Variants in TRIM35 observed in about 807,000 individuals in gnomAD.
TRIM35 encodes the protein E3 ubiquitin-protein ligase TRIM35.
In TRIM35, 37 loss-of-function variants were observed where a neutral mutation model predicts 49.1. The observed-to-expected ratio is 0.75, with a 90% confidence interval of 0.58 to 0.99. The LOEUF (loss-of-function observed/expected upper bound fraction) is 0.99. Ranked by LOEUF, TRIM35 falls within the 50% of genes least tolerant of loss-of-function variation. The probability of loss-of-function intolerance (pLI) is 0.00; values close to 1 mark genes in which losing one functional copy is unlikely to be tolerated. For missense variants in TRIM35, 648 were observed against 702.7 expected (o/e 0.92, Z 0.88); for synonymous variants, 302 against 289.3 (o/e 1.04, Z -0.45).
At chr8:27,301,440 A>G (rs1489952720) in intron 1 of TRIM35, among the ~76,000 whole-genome samples, 1 of 152,228 alleles carries the variant, frequency 6.6e-6, no homozygotes, top group African/African-American at 2.4e-5. Flanking sequence ...TTTCCAAAGC[A>G]GTGGTACCAA....
intron 1 of TRIM35, among the ~76,000 whole-genome samples, chr8:27,301,597 C>T (rs1332658257): frequency 1.3e-5 from 2 of 152,210 alleles, no homozygotes; most frequent in Non-Finnish European, 2.9e-5. Context: ...TATATATACA[C>T]AATGTATGTC....
At position 27,285,679 on chromosome 8, in the gene TRIM35, A is replaced by C. The variant is rs925784113; in HGVS notation, c.*1871T>G. ...AAGTTATCCTGTTAAAAAAAAAAAA[A>C]AAAAAAAAACTCTTCCCATATCTAA... is the stretch of plus-strand genomic sequence containing the variant. On this transcript the variant is annotated 3_prime_UTR_variant, in exon 6 of 6. Coordinates refer to ENST00000305364, the MANE Select transcript of TRIM35 (RefSeq NM_171982.5). The C allele has an allele frequency of 6.6e-6, 1 of 151,934 alleles. No individual in the cohort carries two copies. Among genetic ancestry groups the C allele is most frequent in the Non-Finnish European group, 1.5e-5 (1 of 68,042 alleles). The allele number at this position is 151,934 out of a possible 1,614,324, so 9.4% of individuals were successfully genotyped here. A position where few individuals can be genotyped will look rare whatever the true frequency, so the allele number is the denominator to read the frequency against.
At chr8:27,296,310 G>C (rs1340690453) in intron 2 of TRIM35, among the ~76,000 whole-genome samples, 1 of 152,082 alleles carries the variant, frequency 6.6e-6, no homozygotes, top group Non-Finnish European at 1.5e-5. Flanking sequence ...TTATCCTGAT[G>C]CTCTCCCTCT....
At chr8:27,299,407 T>G (rs867253776) in intron 1 of TRIM35, among the ~76,000 whole-genome samples, 1 of 152,252 alleles carries the variant, frequency 6.6e-6, no homozygotes, top group African/African-American at 2.4e-5. Context: ...GTACTTACTC[T>G]GTGCCAGGGA....
At position 27,289,231 on chromosome 8, in the gene TRIM35, C is replaced by A; in HGVS notation, c.835G>T (p.Asp279Tyr). Residue 279 changes from aspartate to tyrosine, a missense_variant, in exon 5 of 6, where the codon GAT becomes TAT. By Grantham distance (160) the Asp-to-Tyr change is radical. Coordinates refer to ENST00000305364, the MANE Select transcript of TRIM35 (RefSeq NM_171982.5). Reference protein sequence around the residue: ...PEPVQPGMLIDVCKYLGSLQY... With the variant: ...PEPVQPGMLIYVCKYLGSLQY... ...AGGGAGCCCAGGTACTTGCAGACAT[C>A]GATAAGCATGCCGGGCTGGACTGGC... 1 of 1,614,150 alleles carries A rather than the reference C, an allele frequency of 6.2e-7. No individual in the cohort carries two copies. Among genetic ancestry groups the A allele is most frequent in the Non-Finnish European group, 8.5e-7 (1 of 1,180,006 alleles).
intron 1 of TRIM35, among the ~76,000 whole-genome samples, chr8:27,309,111 T>C (rs181520716): frequency 6.6e-6 from 1 of 152,348 alleles, no homozygotes; most frequent in East Asian, 1.9e-4. Context: ...AGGCATCTGC[T>C]GGTGCATGGC....
At chr8:27,300,825 T>G (rs888301136) in intron 1 of TRIM35, among the ~76,000 whole-genome samples, 1 of 152,234 alleles carries the variant, frequency 6.6e-6, no homozygotes, top group African/African-American at 2.4e-5. Context: ...AATGAGATTT[T>G]TGATACAAAA....
chr8:27,300,713 T>C (rs1328734549), intron 1 of TRIM35, among the ~76,000 whole-genome samples: 1 of 152,256 alleles, frequency 6.6e-6, no homozygotes, highest in African/African-American at 2.4e-5. Flanking sequence ...AGTGACAATA[T>C]TTAAGATTTT....
chr8:27,287,615 C>T lies in TRIM35; in HGVS notation c.1417G>A (p.Gly473Arg), dbSNP rs139952743. The change falls in exon 6 of 6, where the codon GGG becomes AGG. Residue 473 changes from glycine (G) to arginine (R), a missense_variant. Gly to Arg is a moderately radical substitution (Grantham distance 125). Transcript: ENST00000305364. This position sits in a 1 kb window ranked among gnomAD's most constrained non-coding sequence, Gnocchi z 6.0. ...YFYLGGARGAGPPEPLRICPL... is the reference protein window; with the variant it reads ...YFYLGGARGARPPEPLRICPL... The stretch of plus-strand genomic sequence containing the variant: ...CAGATGCGCAAAGGCTCTGGAGGCC[C>T]GGCGCCCCGTGCACCCCCCAGGTAG... The T allele has an allele frequency of 6.4e-5, 102 of 1,606,290 alleles. No individual in the cohort carries two copies. The Middle Eastern group carries it at 2.6e-3, about 41-fold the overall frequency.
rs573214798 is a variant in TRIM35 at position 27,308,881 on chromosome 8, T to C, written c.435+1920A>G. On this transcript the variant is annotated intron_variant, in intron 1 of 5. Coordinates refer to ENST00000305364, the MANE Select transcript of TRIM35 (RefSeq NM_171982.5). ...GAGCCACCGGCCTCCTGGATCCTCC[T>C]GCACGTCCCTCCTCATTCTAACTAC... Among the ~76,000 whole-genome samples the C allele has an allele frequency of 4.7e-4, 71 of 152,330 alleles. 2 individuals are homozygous for C. In the South Asian group the frequency reaches 0.011, roughly 24 times the overall value.
rs527797668 is a variant in TRIM35 at position 27,288,783 on chromosome 8, C to T, written c.904+379G>A. Among the ~76,000 whole-genome samples, 4 of 152,324 alleles carry T rather than the reference C, an allele frequency of 2.6e-5. No individual in the cohort carries two copies. The South Asian group carries it at 8.3e-4, about 32-fold the overall frequency. ...ATTCCCTGAGTCAGTGATATTCCTC[C>T]CCGTAAAACCAGGACACTGTGGCTC... On this transcript the variant is annotated intron_variant, in intron 5 of 5. Coordinates refer to ENST00000305364, the MANE Select transcript of TRIM35 (RefSeq NM_171982.5).
intron 2 of TRIM35, among the ~76,000 whole-genome samples, chr8:27,294,618 T>C (rs1802529109): frequency 6.6e-6 from 1 of 152,222 alleles, no homozygotes; most frequent in South Asian, 2.1e-4. Flanking sequence ...CTTCTTTAGG[T>C]TGCACCATAA....
intron 1 of TRIM35, among the ~76,000 whole-genome samples, chr8:27,306,152 T>C (rs1802779760): frequency 6.6e-6 from 1 of 152,058 alleles, no homozygotes; most frequent in South Asian, 2.1e-4. Flanking sequence ...CCTCACAAGA[T>C]GTAACCATTC....
chr8:27,300,808 T>C (rs1802669242), intron 1 of TRIM35, among the ~76,000 whole-genome samples: 1 of 152,220 alleles, frequency 6.6e-6, no homozygotes, highest in Non-Finnish European at 1.5e-5. Flanking sequence ...AATGTTTTAT[T>C]TTATAGAATG....
Position 27,287,335 on chromosome 8 carries a change from G to C in TRIM35, c.*215C>G, listed in dbSNP as rs1481551251. ...CACGACTCGGGAGAGCCTGGCCAGC[G>C]AGGTGCCACCCGAATAGCTCCTGAC... On this transcript the variant is annotated 3_prime_UTR_variant, in exon 6 of 6. Transcript: ENST00000305364. This position sits in a 1 kb window ranked among gnomAD's most constrained non-coding sequence, Gnocchi z 6.0. The C allele has an allele frequency of 3.7e-6, 2 of 534,752 alleles. No homozygotes were observed. Among genetic ancestry groups the C allele is most frequent in the Non-Finnish European group, 6.5e-6 (2 of 307,322 alleles). The allele number at this position is 534,752 out of a possible 1,614,324, so 33.1% of individuals were successfully genotyped here.
At chr8:27,300,074 A>G (rs931730621) in intron 1 of TRIM35, among the ~76,000 whole-genome samples, 5 of 152,126 alleles carry the variant, frequency 3.3e-5, no homozygotes, top group African/African-American at 1.2e-4. Flanking sequence ...CCATGTGGTA[A>G]TTTGCCCTGG....
intron 2 of TRIM35, 97 bp downstream of exon 2, chr8:27,298,367 G>A: frequency 8.5e-7 from 1 of 1,174,222 alleles, no homozygotes; most frequent in Non-Finnish European, 1.3e-6. Flanking sequence ...TACCCAGCGG[G>A]TTATGTGAGC....
chr8:27,297,141 C>A (rs1802585928), intron 2 of TRIM35, among the ~76,000 whole-genome samples: 1 of 152,260 alleles, frequency 6.6e-6, no homozygotes, highest in East Asian at 1.9e-4. Flanking sequence ...TCCACCAGCT[C>A]TGTGGCTCAG....
intron 3 of TRIM35, among the ~76,000 whole-genome samples, chr8:27,292,210 A>C (rs1802469833): frequency 6.6e-6 from 1 of 152,230 alleles, no homozygotes; most frequent in African/African-American, 2.4e-5. Flanking sequence ...TTAGATATAC[A>C]AATACTTAAC....
Sources: gnomAD v4.1 joint callset for allele counts (sites outside exome capture counted in the v4.1 genomes callset) on GRCh38, gnomAD v4.1.1 for gene constraint, Gnocchi (gnomAD v3.1) non-coding constraint, MANE v1.5 for transcripts, NCBI Gene and HGNC (gene_info 2026-07-23, HGNC 2026-07-21) for gene names.